The following THEMIS variants were observed in gnomAD, a reference collection of about 807,000 sequenced individuals.
THEMIS encodes the protein protein THEMIS.
A neutral mutation model predicts 52.6 loss-of-function variants in THEMIS; 37 were observed. The ratio of observed to expected loss-of-function variants is 0.70; its 90% confidence interval spans 0.54 to 0.93. The LOEUF is 0.93. THEMIS is among the 40% of genes least tolerant of loss of function. THEMIS has a pLI of 0.00. For synonymous variants in THEMIS, 292 were observed against 272.7 expected, an observed-to-expected ratio of 1.07 and a Z score of -0.70; for missense variants, 808 against 763.1, an observed-to-expected ratio of 1.06 and a Z score of -0.69.
intron 4 of THEMIS, among the ~76,000 whole-genome samples, chr6:127,783,784 G>A (rs141419007): frequency 7.2e-5 from 11 of 152,212 alleles, no homozygotes; most frequent in African/African-American, 2.4e-4. Flanking sequence ...TTACACTGTT[G>A]TTGGGAATGT....
At chr6:127,877,281 A>G (rs1393881662) in intron 1 of THEMIS, among the ~76,000 whole-genome samples, 1 of 152,186 alleles carries the variant, frequency 6.6e-6, no homozygotes. Flanking sequence ...TTTCTTTCTT[A>G]TCATTCATAT....
intron 4 of THEMIS, among the ~76,000 whole-genome samples, chr6:127,729,417 G>A (rs1774678489): frequency 6.6e-6 from 1 of 152,062 alleles, no homozygotes; most frequent in South Asian, 2.1e-4. Context: ...GCTCACAGTG[G>A]AAATCCAGCA....
chr6:127,877,407 C>T (rs1337723612), intron 1 of THEMIS, among the ~76,000 whole-genome samples: 1 of 152,190 alleles, frequency 6.6e-6, no homozygotes, highest in Non-Finnish European at 1.5e-5. Flanking sequence ...TTTTGACGTT[C>T]CTTCCACACT....
intron 1 of THEMIS, among the ~76,000 whole-genome samples, chr6:127,890,258 C>T (rs1213096356): frequency 6.6e-6 from 1 of 152,014 alleles, no homozygotes; most frequent in Non-Finnish European, 1.5e-5. Context: ...CAGCATTTTC[C>T]AAAACAGTAT....
intron 4 of THEMIS, among the ~76,000 whole-genome samples, chr6:127,799,117 G>A (rs1777435969): frequency 6.6e-6 from 1 of 152,098 alleles, no homozygotes; most frequent in South Asian, 2.1e-4. Flanking sequence ...AAGGTATGAA[G>A]GTAGAAAGGC....
intron 4 of THEMIS, among the ~76,000 whole-genome samples, chr6:127,734,896 A>AAATAT (rs1554216674): frequency 1.2e-4 from 8 of 65,440 alleles, no homozygotes; most frequent in Non-Finnish European, 2.2e-4. Flanking sequence ...AAAAAAAAAA[A>AAATAT]ATATATATAT....
At chr6:127,764,923 A>G (rs2114405779) in intron 4 of THEMIS, among the ~76,000 whole-genome samples, 1 of 152,086 alleles carries the variant, frequency 6.6e-6, no homozygotes, top group East Asian at 1.9e-4. Flanking sequence ...CTTCATTTGT[A>G]TGAGCCACCA....
rs544648558 is a variant in THEMIS at position 127,732,879 on chromosome 6, G to A, written c.1759-13056C>T. On this transcript the variant is annotated intron_variant, in intron 4 of 5. Coordinates refer to ENST00000368248, the MANE Select transcript of THEMIS (RefSeq NM_001010923.3). The stretch of plus-strand genomic sequence containing the variant: ...CATATGAATACGTTGCTGTAGACAT[G>A]TCAGTGCTGGGTCACATGACAGCTA... 7.2e-5 allele frequency among the ~76,000 whole-genome samples: 11 copies of A among 152,280 alleles called. No individual in the cohort carries two copies. In the East Asian group the frequency reaches 2.1e-3, roughly 29 times the overall value.
downstream of THEMIS, among the ~76,000 whole-genome samples, chr6:127,706,872 C>T (rs983503363): frequency 6.6e-6 from 1 of 151,900 alleles, no homozygotes; most frequent in African/African-American, 2.4e-5. Flanking sequence ...TAGGAATAGC[C>T]CTGGCATGGT....
intron 3 of THEMIS, among the ~76,000 whole-genome samples, chr6:127,826,189 G>A (rs986940005): frequency 1.9e-4 from 29 of 152,120 alleles, no homozygotes; most frequent in African/African-American, 7.0e-4. Context: ...TACCTCAGAA[G>A]AGCAGAATAT....
chr6:127,844,340 G>C (rs1004995123), intron 2 of THEMIS, among the ~76,000 whole-genome samples: 29 of 151,880 alleles, frequency 1.9e-4, no homozygotes, highest in African/African-American at 6.5e-4. Context: ...ATCTTCATTT[G>C]AGTGTGTGTT....
upstream of THEMIS, among the ~76,000 whole-genome samples, chr6:127,901,295 C>CT (rs142959219): frequency 0.027 from 4,065 of 152,108 alleles, 180 homozygotes; most frequent in African/African-American, 0.089. Context: ...GGTAGCAAAA[C>CT]TGAGGTCAGA....
At chr6:127,746,391 G>C (rs1186024511) in intron 4 of THEMIS, among the ~76,000 whole-genome samples, 2 of 151,482 alleles carry the variant, frequency 1.3e-5, no homozygotes, top group Non-Finnish European at 3.0e-5. Context: ...CACAGACACT[G>C]CTCTTTACTA....
chr6:127,770,451 C>T (rs1464750045), intron 4 of THEMIS, among the ~76,000 whole-genome samples: 1 of 152,088 alleles, frequency 6.6e-6, no homozygotes, highest in Non-Finnish European at 1.5e-5. Context: ...ATATCCTTTG[C>T]CCACTTTTTG....
intron 2 of THEMIS, among the ~76,000 whole-genome samples, chr6:127,838,140 C>T (rs1331536458): frequency 6.6e-6 from 1 of 152,012 alleles, no homozygotes; most frequent in Non-Finnish European, 1.5e-5. Context: ...TATCTCTGTA[C>T]ATGCATAAGA....
chr6:127,777,946 A>G (rs909976905), intron 4 of THEMIS, among the ~76,000 whole-genome samples: 1 of 152,098 alleles, frequency 6.6e-6, no homozygotes, highest in Non-Finnish European at 1.5e-5. Flanking sequence ...TCTTTGCACA[A>G]TCAAGATTGT....
intron 4 of THEMIS, among the ~76,000 whole-genome samples, chr6:127,736,579 G>A (rs1775013713): frequency 1.3e-5 from 2 of 152,056 alleles, no homozygotes; most frequent in Admixed American, 6.6e-5. Flanking sequence ...TTGCCAAGGT[G>A]ACACCCAGCT....
Position 127,829,325 on chromosome 6 carries a change from T to C in THEMIS, c.709+151A>G, listed in dbSNP as rs1778613530. ...CAATATGATCTTTTGAGCAAATATA[T>C]GGTTTGCTTATTGATTGATGAGGAA... On this transcript the variant is annotated intron_variant, in intron 3 of 5. Coordinates refer to ENST00000368248, the MANE Select transcript of THEMIS (RefSeq NM_001010923.3). 4 of 634,684 alleles carry C rather than the reference T, an allele frequency of 6.3e-6. No homozygotes were observed. In the Admixed American group the frequency reaches 9.1e-5, roughly 14 times the overall value. The allele number at this position is 634,684 out of a possible 1,614,324, so 39.3% of individuals were successfully genotyped here.
chr6:127,722,712 C>T (rs903223860), intron 4 of THEMIS, among the ~76,000 whole-genome samples: 2 of 151,928 alleles, frequency 1.3e-5, no homozygotes, highest in Admixed American at 1.3e-4. Flanking sequence ...GCAACCTTAC[C>T]TCCTTGCAAA....
Sources: allele counts gnomAD v4.1 joint callset (sites outside exome capture counted in the v4.1 genomes callset), GRCh38; gene constraint gnomAD v4.1.1; transcripts MANE v1.5; gene names NCBI Gene and HGNC (gene_info 2026-07-23, HGNC 2026-07-21).